Variants in TAFA1 observed in about 807,000 individuals in gnomAD.
TAFA1 encodes the protein chemokine-like protein TAFA-1.
In TAFA1, 4 loss-of-function variants were observed where a neutral mutation model predicts 18.5. The ratio of observed to expected loss-of-function variants is 0.22; its 90% CI spans 0.11 to 0.49. The LOEUF is 0.49. Ranked by LOEUF, TAFA1 falls within the 20% of genes least tolerant of loss-of-function variation. The pLI is 0.98. For synonymous variants in TAFA1, 56 were observed against 55.2 expected, an observed-to-expected ratio of 1.01 and a Z score of -0.06; for missense variants, 147 against 169.0, an observed-to-expected ratio of 0.87 and a Z score of 0.72.
chr3:68,186,885 G>A (rs972771364), intron 2 of TAFA1, among the ~76,000 whole-genome samples: 5 of 151,834 alleles, frequency 3.3e-5, no homozygotes, highest in African/African-American at 1.2e-4. Flanking sequence ...ACATACCATG[G>A]GCCTAGCCCA....
At chr3:68,487,054 A>G (rs2072356374) in intron 3 of TAFA1, among the ~76,000 whole-genome samples, 2 of 152,258 alleles carry the variant, frequency 1.3e-5, no homozygotes, top group South Asian at 2.1e-4. Context: ...TCCAAGCCAG[A>G]TCATTCTTAA....
intron 2 of TAFA1, among the ~76,000 whole-genome samples, chr3:68,396,956 T>G (rs1435920113): frequency 6.6e-6 from 1 of 152,178 alleles, no homozygotes; most frequent in African/African-American, 2.4e-5. Context: ...TCATCCTCAA[T>G]GGCATCTTCC....
chr3:68,471,060 C>T (rs906896767), intron 3 of TAFA1, among the ~76,000 whole-genome samples: 9 of 152,330 alleles, frequency 5.9e-5, no homozygotes, highest in African/African-American at 1.4e-4. Context: ...AAGGGGCCAA[C>T]GTACAGCTCA....
At chr3:68,499,446 C>CTTTTTTTTTTTTTTT (rs752597708) in intron 3 of TAFA1, among the ~76,000 whole-genome samples, 1 of 112,176 alleles carries the variant, frequency 8.9e-6, no homozygotes, top group African/African-American at 3.2e-5. Flanking sequence ...GTGTTCCTTT[C>CTTTTTTTTTTTTTTT]TTTTTTTTTT....
chr3:68,431,605 C>T (rs143143440), intron 3 of TAFA1, among the ~76,000 whole-genome samples: 12 of 152,058 alleles, frequency 7.9e-5, no homozygotes, highest in African/African-American at 2.2e-4. Flanking sequence ...GATAGTATTA[C>T]TCATGAAAGA....
chr3:68,033,789 A>T (rs968680829), intron 2 of TAFA1, among the ~76,000 whole-genome samples: 10 of 152,230 alleles, frequency 6.6e-5, no homozygotes, highest in Non-Finnish European at 1.2e-4. Flanking sequence ...GGACATCATT[A>T]TCTGCTTATA....
chr3:68,408,267 C>A (rs933168063), intron 2 of TAFA1, among the ~76,000 whole-genome samples: 3 of 152,118 alleles, frequency 2.0e-5, no homozygotes, highest in African/African-American at 7.2e-5. Context: ...TGGCTATAAG[C>A]ATATATCCTG....
At chr3:68,138,178 C>T (rs1559534383) in intron 2 of TAFA1, among the ~76,000 whole-genome samples, 1 of 152,134 alleles carries the variant, frequency 6.6e-6, no homozygotes, top group Non-Finnish European at 1.5e-5. Context: ...TCCATGTTTT[C>T]CCCCATATTC....
chr3:68,500,839 C>T (rs889042257), intron 3 of TAFA1, among the ~76,000 whole-genome samples: 1 of 151,998 alleles, frequency 6.6e-6, no homozygotes, highest in Non-Finnish European at 1.5e-5. Flanking sequence ...CTAGATGATT[C>T]TCCAAAGGAA....
intron 2 of TAFA1, among the ~76,000 whole-genome samples, chr3:68,104,592 C>T (rs1416180317): frequency 2.0e-5 from 3 of 152,018 alleles, no homozygotes; most frequent in African/African-American, 7.2e-5. Flanking sequence ...ATCTGTAACT[C>T]TAAACCAGGA....
At chr3:68,233,006 G>A (rs1234072268) in intron 2 of TAFA1, among the ~76,000 whole-genome samples, 1 of 151,912 alleles carries the variant, frequency 6.6e-6, no homozygotes, top group African/African-American at 2.4e-5. Context: ...CTGCATCCTT[G>A]CCAGCATTTG....
intron 2 of TAFA1, among the ~76,000 whole-genome samples, chr3:68,267,653 T>C (rs2067573859): frequency 6.6e-6 from 1 of 152,204 alleles, no homozygotes; most frequent in Non-Finnish European, 1.5e-5. Flanking sequence ...TGTTCTATCT[T>C]GCACAGGTTA....
intron 2 of TAFA1, chr3:68,246,982 C>T (rs2067093374): frequency 6.6e-6 from 1 of 152,128 alleles, no homozygotes; most frequent in Admixed American, 6.5e-5. Flanking sequence ...GCCGTATGAT[C>T]AAATGACTCT....
intron 2 of TAFA1, among the ~76,000 whole-genome samples, chr3:68,219,165 A>G (rs1250428217): frequency 6.6e-6 from 1 of 152,042 alleles, no homozygotes; most frequent in Non-Finnish European, 1.5e-5. Context: ...TACAGCTACT[A>G]TATCTTAAAA....
chr3:68,138,291 T>A (rs1214718199), intron 2 of TAFA1, among the ~76,000 whole-genome samples: 1 of 152,128 alleles, frequency 6.6e-6, no homozygotes, highest in African/African-American at 2.4e-5. Context: ...TAGTGCAAGA[T>A]CCCTTCAGAT....
intron 2 of TAFA1, among the ~76,000 whole-genome samples, chr3:68,408,575 T>A (rs1017072027): frequency 1.3e-5 from 2 of 152,188 alleles, no homozygotes; most frequent in Non-Finnish European, 2.9e-5. Flanking sequence ...TCCTTCCTAT[T>A]TTCCTTTTCT....
intron 2 of TAFA1, among the ~76,000 whole-genome samples, chr3:68,282,891 G>T (rs1195865296): frequency 6.6e-6 from 1 of 152,140 alleles, no homozygotes; most frequent in Non-Finnish European, 1.5e-5. Flanking sequence ...AAGGGGCCTT[G>T]GAGCTTGTTA....
intron 3 of TAFA1, among the ~76,000 whole-genome samples, chr3:68,459,027 ATTAGCCTT>A (rs2071722805): frequency 6.6e-6 from 1 of 152,246 alleles, no homozygotes; most frequent in Non-Finnish European, 1.5e-5. Flanking sequence ...ATTGCAAAGC[ATTAGCCTT>A]GTTCTCACAG....
chr3:68,516,769 ATAAAT>A (rs1467555127), intron 3 of TAFA1, among the ~76,000 whole-genome samples: 1 of 152,090 alleles, frequency 6.6e-6, no homozygotes, highest in Non-Finnish European at 1.5e-5. Context: ...TACAGAGTAA[ATAAAT>A]TGTTCCTTCT....
Sources: allele counts gnomAD v4.1 joint callset (sites outside exome capture counted in the v4.1 genomes callset), GRCh38; gene constraint gnomAD v4.1.1; transcripts MANE v1.5; gene names NCBI Gene and HGNC (gene_info 2026-07-23, HGNC 2026-07-21).